RBFOX1: variants seen among roughly 807,000 people sequenced by gnomAD.
RBFOX1 encodes RNA binding protein fox-1 homolog 1.
RBFOX1 carries 8 observed loss-of-function variants against 57.7 expected under a neutral mutation model. The ratio of observed to expected loss-of-function variants is 0.14; its 90% confidence interval spans 0.08 to 0.25. The LOEUF is 0.25. RBFOX1 is among the 10% of genes least tolerant of loss of function. RBFOX1 has a pLI of 1.00. For synonymous variants in RBFOX1, 326 were observed against 222.4 expected, an observed-to-expected ratio of 1.47 and a Z score of -4.15; for missense variants, 611 against 548.5, an observed-to-expected ratio of 1.11 and a Z score of -1.14.
intron 4 of RBFOX1, among the ~76,000 whole-genome samples, chr16:7,256,436 C>T (rs923226079): frequency 6.6e-6 from 1 of 152,204 alleles, no homozygotes; most frequent in Non-Finnish European, 1.5e-5. Flanking sequence ...ACTAGTTTGT[C>T]TCAATCTTTT....
intron 11 of RBFOX1, among the ~76,000 whole-genome samples, chr16:7,645,259 G>T (rs962848185): frequency 6.6e-6 from 1 of 152,120 alleles, no homozygotes; most frequent in African/African-American, 2.4e-5. Context: ...CAATTATGGT[G>T]CGCAGTGTTT....
At chr16:6,538,786 C>T (rs2096770538) in intron 2 of RBFOX1, among the ~76,000 whole-genome samples, 2 of 152,098 alleles carry the variant, frequency 1.3e-5, no homozygotes, top group African/African-American at 2.4e-5. Context: ...TCTTCCAGGG[C>T]CTCTGTCTTG....
intron 3 of RBFOX1, among the ~76,000 whole-genome samples, chr16:7,044,690 C>A (rs558437955): frequency 9.4e-5 from 14 of 148,338 alleles, no homozygotes; most frequent in Non-Finnish European, 1.5e-4. Flanking sequence ...TTGTGCATTA[C>A]TGCCATGGGA....
chr16:6,527,557 A>G (rs1269549867), intron 2 of RBFOX1, among the ~76,000 whole-genome samples: 1 of 152,106 alleles, frequency 6.6e-6, no homozygotes, highest in Non-Finnish European at 1.5e-5. Context: ...GCCACTTGAA[A>G]CACATTTTTG....
At chr16:7,691,254 A>C (rs1031764394) in intron 14 of RBFOX1, among the ~76,000 whole-genome samples, 6 of 151,912 alleles carry the variant, frequency 3.9e-5, no homozygotes, top group Non-Finnish European at 7.4e-5. Flanking sequence ...ATCTAAGCCA[A>C]CTCTTTTGAA....
At chr16:6,502,981 C>T (rs1379159142) in intron 2 of RBFOX1, among the ~76,000 whole-genome samples, 1 of 152,010 alleles carries the variant, frequency 6.6e-6, no homozygotes, top group African/African-American at 2.4e-5. Context: ...AATATCGACT[C>T]AGCTGAGATA....
rs553698569 is a variant in RBFOX1 at position 5,795,940 on chromosome 16, G to C, written c.319-71363G>C. ...GGAGATAGGTCGACAACACTCACCAGTTGCATCAATAGTCCCCACCTTTTC... is the reference window on the plus strand; with the variant it reads ...GGAGATAGGTCGACAACACTCACCACTTGCATCAATAGTCCCCACCTTTTC... On this transcript the variant is annotated intron_variant, in intron 3 of 19. Coordinates refer to the RBFOX1 transcript ENST00000641259. Among the ~76,000 whole-genome samples, 140 of 152,314 alleles carry C rather than the reference G, an allele frequency of 9.2e-4. 2 individuals carry two copies. The highest frequency in any genetic ancestry group is 3.1e-3 in the African/African-American group (129 of 41,562).
intron 1 of RBFOX1, among the ~76,000 whole-genome samples, chr16:6,165,570 T>C (rs2096911047): frequency 1.3e-5 from 2 of 152,216 alleles, no homozygotes; most frequent in African/African-American, 4.8e-5. Context: ...TTTTCTCTGC[T>C]AAGACTAGAG....
chr16:5,469,769 C>A (rs756370169), intron 2 of RBFOX1, among the ~76,000 whole-genome samples: 1 of 152,164 alleles, frequency 6.6e-6, no homozygotes, highest in Admixed American at 6.5e-5. Context: ...AGTATGTGGT[C>A]TTCCGTATCT....
intron 5 of RBFOX1, among the ~76,000 whole-genome samples, chr16:7,572,843 G>GAATGAATAAATAAATAAATA (rs71394322): frequency 2.0e-4 from 30 of 146,774 alleles, no homozygotes; most frequent in African/African-American, 6.8e-4. Context: ...TCTCTCAAAT[G>GAATGAATAAATAAATAAATA]AATAAATAAA....
intron 3 of RBFOX1, among the ~76,000 whole-genome samples, chr16:5,751,641 C>G (rs1597100913): frequency 6.6e-6 from 1 of 152,158 alleles, no homozygotes; most frequent in Non-Finnish European, 1.5e-5. Context: ...CTCAGGACTA[C>G]TCTAAAGGTG....
At chr16:6,795,649 C>G (rs572774526) in intron 3 of RBFOX1, among the ~76,000 whole-genome samples, 5 of 151,770 alleles carry the variant, frequency 3.3e-5, no homozygotes, top group Non-Finnish European at 1.5e-5. Context: ...GCCTGTAATC[C>G]CAGCTACTTG....
intron 3 of RBFOX1, among the ~76,000 whole-genome samples, chr16:5,794,609 G>C (rs1044518174): frequency 2.0e-5 from 3 of 152,146 alleles, no homozygotes; most frequent in African/African-American, 7.2e-5. Context: ...CAAGGCATGT[G>C]GTGAGCAAAA....
chr16:6,318,696 C>G (rs551942761), intron 2 of RBFOX1, among the ~76,000 whole-genome samples: 15 of 152,130 alleles, frequency 9.9e-5, no homozygotes, highest in Non-Finnish European at 2.1e-4. Context: ...TGTAAGGGAG[C>G]TCATGTTAAT....
At chr16:6,529,135 C>T (rs1035383709) in intron 2 of RBFOX1, among the ~76,000 whole-genome samples, 3 of 152,150 alleles carry the variant, frequency 2.0e-5, no homozygotes, top group Non-Finnish European at 4.4e-5. Context: ...GAATTTGTGC[C>T]TCCATCTGTT....
intron 3 of RBFOX1, among the ~76,000 whole-genome samples, chr16:5,653,498 G>GTA (rs2049319244): frequency 2.0e-5 from 3 of 150,414 alleles, no homozygotes; most frequent in Admixed American, 1.3e-4. Context: ...CTGCGTCTTT[G>GTA]AGGAAGTTGG....
At chr16:7,399,251 C>T (rs192953973) in intron 4 of RBFOX1, among the ~76,000 whole-genome samples, 158 of 152,282 alleles carry the variant, frequency 1.0e-3, no homozygotes, top group African/African-American at 3.7e-3. Flanking sequence ...AGTTTGAGAC[C>T]AGCTTGACCA....
At chr16:6,601,069 G>A (rs1405688440) in intron 2 of RBFOX1, among the ~76,000 whole-genome samples, 1 of 152,202 alleles carries the variant, frequency 6.6e-6, no homozygotes, top group Non-Finnish European at 1.5e-5. Flanking sequence ...TTTTGTGTCA[G>A]ACCAGAAATT....
chr16:6,658,290 A>G (rs2098675229), intron 3 of RBFOX1, among the ~76,000 whole-genome samples: 1 of 150,828 alleles, frequency 6.6e-6, no homozygotes, highest in African/African-American at 2.4e-5. Flanking sequence ...TCTGGATTGC[A>G]GTGGTGTGAT....
Sources: allele counts gnomAD v4.1 joint callset (sites outside exome capture counted in the v4.1 genomes callset), GRCh38; gene constraint gnomAD v4.1.1; transcripts MANE v1.5; gene names NCBI Gene and HGNC (gene_info 2026-07-23, HGNC 2026-07-21).